SH3PXD2B: variants seen among roughly 807,000 people sequenced by gnomAD.
The protein encoded by SH3PXD2B is SH3 and PX domains 2B.
Under a neutral mutation model 73.1 loss-of-function variants are expected in SH3PXD2B, and 37 were observed. The observed-to-expected ratio is 0.51, with a 90% confidence interval of 0.39 to 0.67. The LOEUF (loss-of-function observed/expected upper bound fraction) is 0.67. Among genes scored for constraint, SH3PXD2B ranks in the 30% least tolerant of loss-of-function variants. The probability of loss-of-function intolerance (pLI) is 0.00; values close to 1 mark genes in which losing one functional copy is unlikely to be tolerated. For synonymous variants in SH3PXD2B, 457 were observed against 480.5 expected (o/e 0.95, Z 0.64); for missense variants, 1,053 against 1,197.8 (o/e 0.88, Z 1.78).
chr5:172,403,987 C>G (rs574757397), intron 3 of SH3PXD2B, among the ~76,000 whole-genome samples: 2 of 152,324 alleles, frequency 1.3e-5, no homozygotes, highest in South Asian at 2.1e-4. Flanking sequence ...CTGTTTGACT[C>G]TGAAGCACAC....
chr5:172,374,849 AG>A (rs1286040806), intron 5 of SH3PXD2B, among the ~76,000 whole-genome samples: 2 of 152,142 alleles, frequency 1.3e-5, no homozygotes, highest in Non-Finnish European at 2.9e-5. Flanking sequence ...TGCTAGACCC[AG>A]TGCCGGCACC....
At chr5:172,418,133 GCT>G (rs2113456095) in intron 2 of SH3PXD2B, among the ~76,000 whole-genome samples, 1 of 152,314 alleles carries the variant, frequency 6.6e-6, no homozygotes, top group Admixed American at 6.5e-5. Context: ...TCCAATCTGA[GCT>G]CTGAGGCTCA....
intron 2 of SH3PXD2B, among the ~76,000 whole-genome samples, chr5:172,419,378 G>A (rs1031470576): frequency 2.0e-5 from 3 of 151,704 alleles, no homozygotes; most frequent in Admixed American, 1.3e-4. Context: ...CCACCTCCTC[G>A]GCAACAGCTG....
chr5:172,332,622 G>T (rs1398398162), downstream of SH3PXD2B, among the ~76,000 whole-genome samples: 1 of 151,960 alleles, frequency 6.6e-6, no homozygotes, highest in Admixed American at 6.6e-5. Context: ...CCTAAGCAAG[G>T]TCTGCAAGAA....
chr5:172,346,319 G>A (rs1175849260), intron 11 of SH3PXD2B, 58 bp from the exon 12 acceptor site: 22 of 1,610,150 alleles, frequency 1.4e-5, no homozygotes, highest in Non-Finnish European at 1.8e-5. Flanking sequence ...GCGACCCTGT[G>A]TCAGGGGGAG....
rs1314181776 is a variant in SH3PXD2B, at chr5:172,438,470, C to T, written c.75+15808G>A. Among the ~76,000 whole-genome samples, 18 of 152,224 alleles carry T rather than the reference C, an allele frequency of 1.2e-4. No homozygotes were observed. The East Asian group carries it at 3.1e-3, about 26-fold the overall frequency. On this transcript the variant is annotated intron_variant, in intron 1 of 12. Coordinates refer to ENST00000311601, the MANE Select transcript of SH3PXD2B (RefSeq NM_001017995.3). Reference sequence around the variant, plus strand: ...ATGCCCGGTAAAAGAGACAAAAAGCCGAAACAGGGCCACACAGTCAAAAAC... The same window carrying T: ...ATGCCCGGTAAAAGAGACAAAAAGCTGAAACAGGGCCACACAGTCAAAAAC...
intron 1 of SH3PXD2B, among the ~76,000 whole-genome samples, chr5:172,453,339 A>G (rs1759845090): frequency 6.6e-6 from 1 of 151,834 alleles, no homozygotes. Context: ...TGCTGTAATG[A>G]GGCCCTCCCC....
At chr5:172,373,064 T>G (rs1487561499) in intron 6 of SH3PXD2B, among the ~76,000 whole-genome samples, 1 of 152,222 alleles carries the variant, frequency 6.6e-6, no homozygotes, top group Non-Finnish European at 1.5e-5. Flanking sequence ...AGAAGAGTTG[T>G]GTCATCCAGG....
intron 5 of SH3PXD2B, among the ~76,000 whole-genome samples, chr5:172,374,625 G>T: frequency 6.6e-6 from 1 of 152,188 alleles, no homozygotes; most frequent in East Asian, 1.9e-4. Flanking sequence ...GAGGTGCAGT[G>T]AGCCGAGATC....
downstream of SH3PXD2B, among the ~76,000 whole-genome samples, chr5:172,329,083 A>AT (rs1164155218): frequency 2.3e-3 from 143 of 61,804 alleles, 6 homozygotes; most frequent in East Asian, 0.026. Context: ...ATATATATAT[A>AT]TTTTTTTTTT....
intron 4 of SH3PXD2B, among the ~76,000 whole-genome samples, chr5:172,392,671 G>T (rs1404448418): frequency 6.6e-6 from 1 of 151,772 alleles, no homozygotes; most frequent in Non-Finnish European, 1.5e-5. Context: ...TGTAATCCCA[G>T]CGACTCAGGA....
downstream of SH3PXD2B, among the ~76,000 whole-genome samples, chr5:172,329,081 A>ATTTT (rs67185423): frequency 8.4e-3 from 570 of 68,126 alleles, 15 homozygotes; most frequent in South Asian, 0.019. Context: ...ATATATATAT[A>ATTTT]TATTTTTTTT....
chr5:172,450,062 T>C (rs578236826), intron 1 of SH3PXD2B, among the ~76,000 whole-genome samples: 97 of 152,274 alleles, frequency 6.4e-4, no homozygotes, highest in African/African-American at 2.1e-3. Flanking sequence ...GGGAAGGGGA[T>C]TGATGGCAAA....
At chr5:172,372,966 T>C (rs1757738718) in intron 6 of SH3PXD2B, among the ~76,000 whole-genome samples, 1 of 152,234 alleles carries the variant, frequency 6.6e-6, no homozygotes, top group Non-Finnish European at 1.5e-5. Flanking sequence ...ACTGTTTATA[T>C]AAATGTATAA....
In SH3PXD2B at chr5:172,337,633, G is replaced by A. The variant is rs1305000966; in HGVS notation, c.*736C>T. On this transcript the variant is annotated 3_prime_UTR_variant, in exon 13 of 13. Coordinates refer to ENST00000311601, the MANE Select transcript of SH3PXD2B (RefSeq NM_001017995.3). ...GTGGGAACTCTCATTGAAAAGCCCT[G>A]GAGGGACCGGAGCCTGCAGCAGCAA... The A allele has an allele frequency of 1.7e-5, 17 of 986,088 alleles. No homozygotes were observed. In the East Asian group the frequency reaches 1.2e-3, roughly 72 times the overall value. 61.1% of individuals were successfully genotyped at this position (986,088 alleles called of 1,614,324 possible). A position where few individuals can be genotyped will look rare whatever the true frequency, so the allele number is the denominator to read the frequency against.
chr5:172,372,847 G>C (rs1170353029), intron 6 of SH3PXD2B, among the ~76,000 whole-genome samples: 1 of 152,150 alleles, frequency 6.6e-6, no homozygotes, highest in Non-Finnish European at 1.5e-5. Flanking sequence ...ATTAAAGAGC[G>C]CTGGATTCTG....
At position 172,335,759 on chromosome 5, in the gene SH3PXD2B, G is replaced by A. The variant is rs1756674962; in HGVS notation, c.*2610C>T. On this transcript the variant is annotated 3_prime_UTR_variant, in exon 13 of 13. Coordinates refer to ENST00000311601, the MANE Select transcript of SH3PXD2B (RefSeq NM_001017995.3). The stretch of plus-strand genomic sequence containing the variant: ...TCCCCAGGCAAGGACAGCTAGGAGA[G>A]TGACTGGCCACCCTGACCCACCCAC... 1.1e-5 allele frequency: 14 copies of A among 1,230,940 alleles called. No individual in the cohort carries two copies. In the South Asian group the frequency reaches 5.4e-4, roughly 48 times the overall value. 76.3% of individuals were successfully genotyped at this position (1,230,940 alleles called of 1,614,324 possible). A position where few individuals can be genotyped will look rare whatever the true frequency, so the allele number is the denominator to read the frequency against.
Position 172,445,802 on chromosome 5 carries a change from C to T in SH3PXD2B, c.75+8476G>A, listed in dbSNP as rs1759646350. 1.3e-5 allele frequency among the ~76,000 whole-genome samples: 2 copies of T among 152,228 alleles called. No homozygotes were observed. Among genetic ancestry groups the T allele is most frequent in the African/African-American group, 4.8e-5 (2 of 41,460 alleles). On this transcript the variant is annotated intron_variant, in intron 1 of 12. Coordinates refer to ENST00000311601, the MANE Select transcript of SH3PXD2B (RefSeq NM_001017995.3). The surrounding 1 kb of genome is among the most constrained non-coding windows in gnomAD (Gnocchi z 5.2). ...TGCCCACAGCCCCTCCTCCCTTTAC[C>T]ACCTGAAGAAGACCCTGGGCTGAGA...
At chr5:172,394,379 T>C (rs972852299) in intron 4 of SH3PXD2B, among the ~76,000 whole-genome samples, 184 bp downstream of exon 4, 2 of 151,548 alleles carry the variant, frequency 1.3e-5, no homozygotes, top group African/African-American at 2.4e-5. Context: ...AAAGGAAATA[T>C]GTAAAACCCT....
Sources: allele counts gnomAD v4.1 joint callset (sites outside exome capture counted in the v4.1 genomes callset), GRCh38; gene constraint gnomAD v4.1.1; non-coding constraint Gnocchi (gnomAD v3.1); transcripts MANE v1.5; gene names NCBI Gene and HGNC (gene_info 2026-07-23, HGNC 2026-07-21).